The following WNK1 variants were observed in gnomAD, a reference collection of about 807,000 sequenced individuals.
WNK1 encodes serine/threonine-protein kinase WNK1.
Under a neutral mutation model 222.8 loss-of-function variants are expected in WNK1, and 38 were observed. The ratio of observed to expected loss-of-function variants is 0.17; its 90% CI spans 0.13 to 0.22. WNK1 has a LOEUF of 0.22. Among genes scored for constraint, WNK1 ranks in the 10% least tolerant of loss-of-function variants. The pLI, the probability that WNK1 is intolerant of heterozygous loss-of-function variation, is 1.00. For synonymous variants in WNK1, 1,090 were observed against 1,092.9 expected (o/e 1.00, Z 0.05); for missense variants, 2,348 against 2,918.4 (o/e 0.80, Z 4.50).
intron 8 of WNK1, among the ~76,000 whole-genome samples, chr12:866,066 C>A (rs1349149499): frequency 1.4e-5 from 1 of 72,072 alleles, no homozygotes; most frequent in African/African-American, 3.8e-5. Flanking sequence ...GCATGTGGGT[C>A]CTTGCTGCTT....
intron 1 of WNK1, among the ~76,000 whole-genome samples, chr12:805,627 T>C (rs1255507142): frequency 6.6e-6 from 1 of 152,212 alleles, no homozygotes; most frequent in African/African-American, 2.4e-5. Context: ...CAGTTACAAA[T>C]TATAACTGCA....
intron 1 of WNK1, among the ~76,000 whole-genome samples, chr12:806,626 T>G (rs1946386262): frequency 6.6e-6 from 1 of 152,198 alleles, no homozygotes; most frequent in African/African-American, 2.4e-5. Flanking sequence ...ATGACGTAGT[T>G]GTGGCTTTTA....
intron 12 of WNK1, 56 bp downstream of exon 12, chr12:881,055 A>T (rs573700668): frequency 2.5e-6 from 4 of 1,605,874 alleles, no homozygotes; most frequent in Non-Finnish European, 8.5e-7. Flanking sequence ...ATTGGACAAC[A>T]ATGATAAAGG....
At chr12:826,977 G>C (rs188869959) in intron 2 of WNK1, 65 bp from the exon 3 acceptor site, 9 of 1,318,702 alleles carry the variant, frequency 6.8e-6, no homozygotes, top group African/African-American at 1.5e-5. Context: ...AGAATTTAAT[G>C]GAATTCTTCA....
rs1186519260 is a variant in WNK1 at position 911,188 on chromosome 12, T to TTAA, written c.*2399_*2401dup. 2 of 397,864 alleles carry TTAA rather than the reference T, an allele frequency of 5.0e-6. No individual in the cohort carries two copies. The highest frequency in any genetic ancestry group is 4.4e-5 in the Admixed American group (1 of 22,728). The allele number at this position is 397,864 out of a possible 1,614,324, so 24.6% of individuals were successfully genotyped here. On this transcript the variant is annotated 3_prime_UTR_variant, in exon 28 of 28. Transcript: ENST00000315939. ...CTGAACTGTTTAAATTATTTTTGTG[T>TTAA]TAATAGTACACTTTGAGTATCTTTT... is the stretch of plus-strand genomic sequence containing the variant.
At chr12:776,038 C>T (rs923360183) in intron 1 of WNK1, among the ~76,000 whole-genome samples, 2 of 152,076 alleles carry the variant, frequency 1.3e-5, no homozygotes, top group African/African-American at 2.4e-5. Context: ...TTGTCTGTGA[C>T]CCCAAAGACA....
chr12:779,422 T>G (rs1257241709), intron 1 of WNK1, among the ~76,000 whole-genome samples: 1 of 150,886 alleles, frequency 6.6e-6, no homozygotes, highest in Non-Finnish European at 1.5e-5. Context: ...TTTTTTTTTT[T>G]GAGACATAGT....
intron 9 of WNK1, among the ~76,000 whole-genome samples, chr12:872,076 A>G (rs1006239911): frequency 2.6e-5 from 4 of 152,220 alleles, no homozygotes; most frequent in African/African-American, 9.6e-5. Flanking sequence ...TACGCTAAGA[A>G]GCATCTAATG....
intron 2 of WNK1, among the ~76,000 whole-genome samples, chr12:817,273 T>C (rs1197830658): frequency 6.6e-6 from 1 of 151,952 alleles, no homozygotes; most frequent in African/African-American, 2.4e-5. Flanking sequence ...GAGGTGGAGG[T>C]TGCAATGAGC....
Position 777,800 on chromosome 12 carries a change from A to G in WNK1, c.759+23476A>G, listed in dbSNP as rs369337819. On this transcript the variant is annotated intron_variant, in intron 1 of 27. Coordinates refer to ENST00000315939, the MANE Select transcript of WNK1 (RefSeq NM_018979.4). ...AGCTATTTAAGAAAAATAACTTACC[A>G]CAGACTCAGGAAACTTTACAGTGTT... 1.1e-3 allele frequency among the ~76,000 whole-genome samples: 175 copies of G among 152,292 alleles called. 5 individuals carry two copies. The South Asian group carries it at 0.035, about 30-fold the overall frequency.
At position 885,313 on chromosome 12, in the gene WNK1, A is replaced by G; in HGVS notation, c.4509A>G (p.Ser1503=). Residue 1503 remains serine, a synonymous_variant, in exon 19 of 28, where the codon TCA becomes TCG. Transcript: ENST00000315939. ...CCACTTCATTCCCAAGCACAGCTTCACAGCTGTGCATTCAGCTTAGCAGCA... is the reference window on the plus strand; with the variant it reads ...CCACTTCATTCCCAAGCACAGCTTCGCAGCTGTGCATTCAGCTTAGCAGCA... ...STTTSFPSTA[S]QLCIQLSSST... is the part of the protein sequence containing the mutation. The G allele has an allele frequency of 6.2e-7, 1 of 1,614,182 alleles. No individual in the cohort carries two copies. The highest frequency in any genetic ancestry group is 8.5e-7 in the Non-Finnish European group (1 of 1,180,016).
At chr12:782,846 G>A (rs950692552) in intron 1 of WNK1, among the ~76,000 whole-genome samples, 1 of 151,256 alleles carries the variant, frequency 6.6e-6, no homozygotes, top group Non-Finnish European at 1.5e-5. Flanking sequence ...AAAAACAGGT[G>A]GAATTAATTT....
At chr12:900,029 T>TC (rs1345838646) in intron 25 of WNK1, among the ~76,000 whole-genome samples, 5 of 148,992 alleles carry the variant, frequency 3.4e-5, no homozygotes, top group Non-Finnish European at 7.4e-5. Context: ...TTTTTTTTTT[T>TC]TTTTTTGAGT....
chr12:860,933 T>C, intron 6 of WNK1, 80 bp from the exon 7 acceptor site: 1 of 1,365,168 alleles, frequency 7.3e-7, no homozygotes, highest in Non-Finnish European at 1.0e-6. Context: ...ATGCCTTTTT[T>C]TTTTTTGGCG....
chr12:891,766 A>T (rs1954262800), intron 22 of WNK1, among the ~76,000 whole-genome samples: 1 of 151,288 alleles, frequency 6.6e-6, no homozygotes, highest in African/African-American at 2.4e-5. Context: ...TTCCTTTTTC[A>T]CTATAGACAA....
chr12:895,728 G>A (rs1327697439), intron 23 of WNK1, among the ~76,000 whole-genome samples: 3 of 152,178 alleles, frequency 2.0e-5, no homozygotes, highest in Admixed American at 2.0e-4. Context: ...CAAAATGGTG[G>A]GCTTACAGGC....
At chr12:773,037 T>C (rs1287346941) in intron 1 of WNK1, among the ~76,000 whole-genome samples, 1 of 152,158 alleles carries the variant, frequency 6.6e-6, no homozygotes, top group Non-Finnish European at 1.5e-5. Flanking sequence ...GGCGGGCAGA[T>C]CACCTGAGGT....
intron 26 of WNK1, chr12:901,799 C>T (rs981566983): frequency 1.3e-5 from 4 of 298,752 alleles, no homozygotes; most frequent in South Asian, 3.2e-5. Flanking sequence ...GAAGTTTGGG[C>T]CCCCACATTA....
rs143616411 is a variant in WNK1, at chr12:908,538, C to G, written c.6895C>G (p.Leu2299Val). The change falls in exon 28 of 28, where the codon CTG becomes GTG. Residue 2299 changes from leucine to valine, a missense_variant. Physicochemically the swap from Leu to Val is conservative, Grantham distance 32. This residue lies in a region of WNK1 where 55 missense variants were observed against 104.1 expected (regional missense o/e 0.53). Transcript: ENST00000315939. ...ACTGTGCATCTCCATGACCTCGAACCTGGGTGGCTCTGCCCCCATCTCTGC... is the reference window on the plus strand; with the variant it reads ...ACTGTGCATCTCCATGACCTCGAACGTGGGTGGCTCTGCCCCCATCTCTGC... Reference protein sequence around the residue: ...GQLCISMTSNLGGSAPISAAS... With the variant: ...GQLCISMTSNVGGSAPISAAS... 1.3e-4 allele frequency: 209 copies of G among 1,614,058 alleles called. No homozygotes were observed. The highest frequency in any genetic ancestry group is 1.7e-4 in the Non-Finnish European group (198 of 1,180,040).
Sources: gnomAD v4.1 joint callset for allele counts (sites outside exome capture counted in the v4.1 genomes callset) on GRCh38, gnomAD v4.1.1 for gene constraint, gnomAD v4.1.1 regional missense constraint, MANE v1.5 for transcripts, NCBI Gene and HGNC (gene_info 2026-07-23, HGNC 2026-07-21) for gene names.